RPSA2: variants seen among roughly 807,000 people sequenced by gnomAD.
RPSA2 encodes ribosomal protein SA 2.
chr19:23,762,511 A>G, the RPSA2 span, among the ~76,000 whole-genome samples: 5 of 151,782 alleles, frequency 3.3e-5, no homozygotes, highest in African/African-American at 1.2e-4. Flanking sequence ...CCTCATCTCT[A>G]CTAAAAATAC....
chr19:23,832,994 C>A, the RPSA2 span: 2 of 1,446,560 alleles, frequency 1.4e-6, no homozygotes, highest in Non-Finnish European at 1.8e-6. Context: ...TGTGGCAAAG[C>A]CTTTAGGCAG....
the RPSA2 span, chr19:23,828,193 T>G: frequency 1.6e-6 from 1 of 613,042 alleles, no homozygotes; most frequent in Non-Finnish European, 2.9e-6. Flanking sequence ...ATGTGAAAGT[T>G]TATATATGTG....
the RPSA2 span, chr19:23,831,587 A>T: frequency 6.1e-6 from 1 of 165,218 alleles, no homozygotes; most frequent in African/African-American, 2.4e-5. Context: ...TTTTATTTTT[A>T]TTTTTTTAGG....
At chr19:23,758,946 T>G in the RPSA2 span, 1 of 665,066 alleles carries the variant, frequency 1.5e-6, no homozygotes, top group Middle Eastern at 3.4e-4. Context: ...CATGCCTGAT[T>G]GGACAGTTCC....
the RPSA2 span, among the ~76,000 whole-genome samples, chr19:23,866,259 G>A: frequency 1.3e-5 from 2 of 152,320 alleles, no homozygotes; most frequent in East Asian, 3.9e-4. Flanking sequence ...TTTATCGCAT[G>A]GCTGCAAGAT....
At chr19:23,832,778 T>G in the RPSA2 span, 4 of 1,568,496 alleles carry the variant, frequency 2.6e-6, no homozygotes, top group South Asian at 2.2e-5. Context: ...CGACATAAGA[T>G]AATTCATACT....
chr19:23,813,232 C>CAAAAAA, the RPSA2 span, among the ~76,000 whole-genome samples: 5 of 120,966 alleles, frequency 4.1e-5, no homozygotes, highest in South Asian at 2.8e-4. Context: ...GACCCTGTCT[C>CAAAAAA]AAAAAAAAAA....
At chr19:23,870,176 C>A in the RPSA2 span, among the ~76,000 whole-genome samples, 1 of 152,174 alleles carries the variant, frequency 6.6e-6, no homozygotes, top group South Asian at 2.1e-4. Flanking sequence ...GCTATTGTTT[C>A]TTTGGTCACA....
the RPSA2 span, among the ~76,000 whole-genome samples, chr19:23,765,789 G>A: frequency 2.0e-5 from 3 of 152,134 alleles, no homozygotes; most frequent in Non-Finnish European, 2.9e-5. Context: ...AAAATAATTT[G>A]TTAGCTTTTC....
the RPSA2 span, among the ~76,000 whole-genome samples, chr19:23,810,394 CAAAAAA>C: frequency 5.4e-4 from 7 of 13,048 alleles, no homozygotes; most frequent in African/African-American, 2.1e-3. Flanking sequence ...ACTCCCTCTC[CAAAAAA>C]AAAAAAAAAA....
At chr19:23,847,744 G>A in the RPSA2 span, among the ~76,000 whole-genome samples, 3 of 152,136 alleles carry the variant, frequency 2.0e-5, no homozygotes, top group Admixed American at 6.5e-5. Context: ...GGAGACCAGG[G>A]CGTATCTCAG....
At chr19:23,807,564 C>T in the RPSA2 span, among the ~76,000 whole-genome samples, 1 of 152,146 alleles carries the variant, frequency 6.6e-6, no homozygotes, top group Non-Finnish European at 1.5e-5. Flanking sequence ...ATGTTAGTGT[C>T]TATGCCCTCA....
chr19:23,825,982 A>C, the RPSA2 span, among the ~76,000 whole-genome samples: 2 of 151,008 alleles, frequency 1.3e-5, no homozygotes, highest in East Asian at 3.9e-4. Context: ...TATAATTTAA[A>C]ACTATCATAA....
chr19:23,799,492 C>T, the RPSA2 span: 1 of 152,274 alleles, frequency 6.6e-6, no homozygotes, highest in African/African-American at 2.4e-5. Context: ...AGGCTTCACT[C>T]TTTGATGTGA....
chr19:23,760,667 ATATTT>A, the RPSA2 span, among the ~76,000 whole-genome samples: 494 of 96,944 alleles, frequency 5.1e-3, 2 homozygotes, highest in African/African-American at 0.017. Context: ...ATATATATAT[ATATTT>A]TTTTTTTTTT....
At chr19:23,838,064 A>G in the RPSA2 span, among the ~76,000 whole-genome samples, 1 of 152,112 alleles carries the variant, frequency 6.6e-6, no homozygotes, top group African/African-American at 2.4e-5. Flanking sequence ...ATTCACTATT[A>G]TGTTGGTTGT....
the RPSA2 span, among the ~76,000 whole-genome samples, chr19:23,850,463 A>G: frequency 1.4e-5 from 2 of 145,042 alleles, no homozygotes; most frequent in South Asian, 2.3e-4. Flanking sequence ...ATTAGGGAGG[A>G]TTGAACCAGA....
chr19:23,766,142 C>CT, the RPSA2 span, among the ~76,000 whole-genome samples: 262 of 43,282 alleles, frequency 6.1e-3, 76 homozygotes, highest in African/African-American at 0.011. Context: ...TATTTCATTT[C>CT]CTTTTTTTTT....
At chr19:23,825,119 A>G in the RPSA2 span, among the ~76,000 whole-genome samples, 2 of 152,090 alleles carry the variant, frequency 1.3e-5, no homozygotes, top group Non-Finnish European at 2.9e-5. Context: ...AGCTGGGAGT[A>G]CAGGTGCCCG....
Sources: allele counts gnomAD v4.1 joint callset (sites outside exome capture counted in the v4.1 genomes callset), GRCh38; gene constraint gnomAD v4.1.1; transcripts MANE v1.5; gene names NCBI Gene and HGNC (gene_info 2026-07-23, HGNC 2026-07-21).